Variants in ZSCAN25 observed in about 807,000 individuals in gnomAD.
The protein encoded by ZSCAN25 is zinc finger and SCAN domain containing 25.
Under a neutral mutation model 38.7 loss-of-function variants are expected in ZSCAN25, and 27 were observed. That is an observed-to-expected ratio of 0.70 (90% confidence interval 0.51 to 0.96). The LOEUF is 0.96. Among genes scored for constraint, ZSCAN25 ranks in the 40% least tolerant of loss-of-function variants. ZSCAN25 has a pLI of 0.00. For missense variants in ZSCAN25, 637 were observed against 705.9 expected, an observed-to-expected ratio of 0.90 and a Z score of 1.11; for synonymous variants, 273 against 277.7, an observed-to-expected ratio of 0.98 and a Z score of 0.17.
At chr7:99,731,822 C>G in the ZSCAN25 span, among the ~76,000 whole-genome samples, 1 of 152,104 alleles carries the variant, frequency 6.6e-6, no homozygotes, top group Non-Finnish European at 1.5e-5. Context: ...GAAGTGCGAG[C>G]ACCTTTTAGC....
downstream of ZSCAN25, among the ~76,000 whole-genome samples, chr7:99,634,731 A>T (rs546890704): frequency 9.2e-5 from 14 of 152,310 alleles, no homozygotes; most frequent in African/African-American, 3.4e-4. Context: ...CGGGAGGCGG[A>T]GCTTGCAGTG....
At chr7:99,710,621 A>G in the ZSCAN25 span, 1 of 1,567,604 alleles carries the variant, frequency 6.4e-7, no homozygotes. Context: ...CATATTGTGA[A>G]TGAAACAATC....
At chr7:99,618,423 A>G (rs1297355359) in intron 1 of ZSCAN25, 102 bp from the exon 2 acceptor site, 3 of 152,174 alleles carry the variant, frequency 2.0e-5, no homozygotes, top group Non-Finnish European at 2.9e-5. Context: ...ATTAGATGAA[A>G]TATGTGTTCA....
chr7:99,705,569 T>C, the ZSCAN25 span: 15 of 1,613,598 alleles, frequency 9.3e-6, no homozygotes, highest in Non-Finnish European at 1.3e-5. Context: ...TTAGAAGAAG[T>C]CCTCCAAAGC....
At chr7:99,648,492 T>C in the ZSCAN25 span, 1 of 947,156 alleles carries the variant, frequency 1.1e-6, no homozygotes. Context: ...ACAAAAATGC[T>C]TTGCAAGCAT....
the ZSCAN25 span, chr7:99,730,521 T>C: frequency 1.3e-5 from 2 of 154,554 alleles, no homozygotes; most frequent in African/African-American, 2.4e-5. Flanking sequence ...CCAACAAAAT[T>C]TGGCATTTTT....
the ZSCAN25 span, chr7:99,709,385 G>A: frequency 1.4e-6 from 2 of 1,418,582 alleles, no homozygotes; most frequent in East Asian, 2.5e-5. Flanking sequence ...AAGGATTGTA[G>A]CATTCATAAA....
At chr7:99,628,335 C>T (rs1449613191) in intron 7 of ZSCAN25, among the ~76,000 whole-genome samples, 2 of 152,164 alleles carry the variant, frequency 1.3e-5, no homozygotes, top group Non-Finnish European at 2.9e-5. Context: ...GCTTTAAGCA[C>T]CACTTATTTC....
chr7:99,698,264 C>T, the ZSCAN25 span, among the ~76,000 whole-genome samples: 4 of 152,130 alleles, frequency 2.6e-5, no homozygotes, highest in East Asian at 1.9e-4. Flanking sequence ...CTGTAGTGAC[C>T]GCCCCACAAC....
chr7:99,704,404 C>T, the ZSCAN25 span, among the ~76,000 whole-genome samples: 1 of 152,080 alleles, frequency 6.6e-6, no homozygotes, highest in Non-Finnish European at 1.5e-5. Flanking sequence ...AATTCCCCTG[C>T]CTCAGCCTCC....
the ZSCAN25 span, chr7:99,665,359 C>T: frequency 7.5e-6 from 12 of 1,609,480 alleles, no homozygotes; most frequent in East Asian, 2.2e-5. Flanking sequence ...CACCTCTTAC[C>T]GTCCTTCCAC....
At chr7:99,632,583 T>C (rs922797682), downstream of ZSCAN25, among the ~76,000 whole-genome samples, 12 of 152,130 alleles carry the variant, frequency 7.9e-5, no homozygotes, top group Admixed American at 7.2e-4. Context: ...TGGGATTGCT[T>C]GAGAGGAGTT....
chr7:99,710,617 G>A, the ZSCAN25 span: 8 of 1,556,948 alleles, frequency 5.1e-6, no homozygotes, highest in East Asian at 1.8e-4. Context: ...CCTACATATT[G>A]TGAATGAAAC....
At chr7:99,702,512 C>T in the ZSCAN25 span, among the ~76,000 whole-genome samples, 3 of 152,230 alleles carry the variant, frequency 2.0e-5, no homozygotes, top group East Asian at 5.8e-4. Context: ...CCGTCTTTTC[C>T]CCAGTGTATG....
the ZSCAN25 span, among the ~76,000 whole-genome samples, chr7:99,702,976 A>G: frequency 6.6e-6 from 1 of 152,072 alleles, no homozygotes; most frequent in Non-Finnish European, 1.5e-5. Context: ...GATTAAGTTA[A>G]TTCTTAGGTA....
At chr7:99,734,238 A>G in the ZSCAN25 span, among the ~76,000 whole-genome samples, 2 of 152,188 alleles carry the variant, frequency 1.3e-5, no homozygotes, top group East Asian at 3.8e-4. Context: ...ATGATTCCTT[A>G]CTCTTAATAA....
At chr7:99,667,861 G>A in the ZSCAN25 span, among the ~76,000 whole-genome samples, 2 of 152,072 alleles carry the variant, frequency 1.3e-5, no homozygotes, top group South Asian at 4.1e-4. Context: ...GGACTGAATG[G>A]TTTTTCCAAG....
chr7:99,730,469 T>A, the ZSCAN25 span: 1 of 153,748 alleles, frequency 6.5e-6, no homozygotes, highest in Non-Finnish European at 1.4e-5. Context: ...TGGCAACAGA[T>A]GTCATGGGGA....
the ZSCAN25 span, chr7:99,717,509 C>T: frequency 5.0e-6 from 8 of 1,613,146 alleles, no homozygotes; most frequent in African/African-American, 2.7e-5. Flanking sequence ...TAATTAAAAC[C>T]CAAGTTATTT....
Sources: gnomAD v4.1 joint callset for allele counts (sites outside exome capture counted in the v4.1 genomes callset) on GRCh38, gnomAD v4.1.1 for gene constraint, MANE v1.5 for transcripts, NCBI Gene and HGNC (gene_info 2026-07-23, HGNC 2026-07-21) for gene names.